The following CADM2 variants were observed in gnomAD, a reference collection of about 807,000 sequenced individuals.
CADM2 encodes the protein cell adhesion molecule 2, also known as immunoglobulin superfamily member 4D.
Under a neutral mutation model 49.8 loss-of-function variants are expected in CADM2, and 12 were observed. The observed-to-expected ratio is 0.24, with a 90% CI of 0.15 to 0.39. CADM2 has a LOEUF of 0.39. CADM2 is among the 10% of genes least tolerant of loss of function. CADM2 has a pLI of 1.00. For missense variants in CADM2, 378 were observed against 492.3 expected (o/e 0.77, Z 2.20); for synonymous variants, 214 against 175.4 (o/e 1.22, Z -1.74).
At chr3:85,481,555 A>G (rs1300229496) in intron 1 of CADM2, among the ~76,000 whole-genome samples, 1 of 151,650 alleles carries the variant, frequency 6.6e-6, no homozygotes. Context: ...ATTTTGATTT[A>G]TTTCCAACAT....
intron 1 of CADM2, among the ~76,000 whole-genome samples, chr3:85,152,774 A>G (rs968950526): frequency 6.6e-6 from 1 of 151,874 alleles, no homozygotes; most frequent in Non-Finnish European, 1.5e-5. Context: ...TGGCTAACAC[A>G]GTGAAACCCC....
intron 1 of CADM2, among the ~76,000 whole-genome samples, chr3:85,040,952 AG>A (rs2035408896): frequency 6.6e-6 from 1 of 152,202 alleles, no homozygotes; most frequent in South Asian, 2.1e-4. Flanking sequence ...ATTTAAATAC[AG>A]TATCATATTT....
At chr3:85,560,694 A>G (rs968725535) in intron 1 of CADM2, among the ~76,000 whole-genome samples, 2 of 152,202 alleles carry the variant, frequency 1.3e-5, no homozygotes, top group African/African-American at 4.8e-5. Context: ...TTTTGTTCAA[A>G]GACTAATGTT....
chr3:85,781,572 A>G (rs2070654069), intron 2 of CADM2, among the ~76,000 whole-genome samples: 1 of 152,106 alleles, frequency 6.6e-6, no homozygotes, highest in Non-Finnish European at 1.5e-5. Flanking sequence ...AAAATAGTCT[A>G]TTTTTGAGGG....
intron 1 of CADM2, among the ~76,000 whole-genome samples, chr3:85,411,496 CTTT>C (rs1191996042): frequency 1.3e-5 from 2 of 152,132 alleles, no homozygotes; most frequent in East Asian, 3.9e-4. Context: ...TGGGATGATT[CTTT>C]ACGGAGAAAG....
At chr3:85,131,175 G>A (rs770880500) in intron 1 of CADM2, among the ~76,000 whole-genome samples, 6 of 151,600 alleles carry the variant, frequency 4.0e-5, no homozygotes, top group Admixed American at 2.0e-4. Flanking sequence ...GTGAAACTCC[G>A]TCTCAGAAAA....
chr3:85,174,011 C>T (rs2040707506), intron 1 of CADM2, among the ~76,000 whole-genome samples: 1 of 151,944 alleles, frequency 6.6e-6, no homozygotes, highest in African/African-American at 2.4e-5. Context: ...ACACACATAC[C>T]ACACACATAC....
chr3:85,045,104 G>T (rs2035594792), intron 1 of CADM2, among the ~76,000 whole-genome samples: 1 of 152,052 alleles, frequency 6.6e-6, no homozygotes, highest in Non-Finnish European at 1.5e-5. Context: ...ATGTGATGTT[G>T]TCATTCTGTG....
intron 1 of CADM2, among the ~76,000 whole-genome samples, chr3:85,483,017 G>C (rs2039275082): frequency 6.6e-6 from 1 of 151,312 alleles, no homozygotes; most frequent in African/African-American, 2.4e-5. Flanking sequence ...ATTCAATCTT[G>C]ACTAAAAAAC....
intron 1 of CADM2, among the ~76,000 whole-genome samples, chr3:85,105,762 C>A (rs2038197938): frequency 1.3e-5 from 2 of 151,996 alleles, no homozygotes; most frequent in Non-Finnish European, 2.9e-5. Context: ...TACTATGCAG[C>A]CATAAAAAAT....
chr3:85,452,168 G>A (rs928802467), intron 1 of CADM2, among the ~76,000 whole-genome samples: 1 of 152,060 alleles, frequency 6.6e-6, no homozygotes, highest in African/African-American at 2.4e-5. Context: ...GAATAGTACT[G>A]TGTTGTTGGG....
chr3:85,450,583 T>A (rs2037708146), intron 1 of CADM2, among the ~76,000 whole-genome samples: 2 of 152,044 alleles, frequency 1.3e-5, no homozygotes, highest in Admixed American at 6.6e-5. Context: ...TATATTTTCA[T>A]AAATATATTT....
At chr3:85,577,313 T>C (rs1433676965) in intron 1 of CADM2, among the ~76,000 whole-genome samples, 1 of 152,102 alleles carries the variant, frequency 6.6e-6, no homozygotes, top group Non-Finnish European at 1.5e-5. Flanking sequence ...GGAGATTGGG[T>C]TAGAAGGGCT....
intron 1 of CADM2, among the ~76,000 whole-genome samples, chr3:85,408,801 T>C (rs1294159551): frequency 6.6e-6 from 1 of 152,194 alleles, no homozygotes; most frequent in Non-Finnish European, 1.5e-5. Flanking sequence ...CATTTTCACT[T>C]AGATGCCACC....
intron 1 of CADM2, among the ~76,000 whole-genome samples, chr3:85,622,246 G>T (rs576588349): frequency 6.6e-6 from 1 of 152,146 alleles, no homozygotes; most frequent in Non-Finnish European, 1.5e-5. Context: ...ATGTCAGCAA[G>T]ACAATATTAT....
intron 7 of CADM2, among the ~76,000 whole-genome samples, chr3:85,953,398 C>T (rs1577761369): frequency 6.6e-6 from 1 of 150,960 alleles, no homozygotes; most frequent in East Asian, 2.0e-4. Flanking sequence ...TCCTGACATT[C>T]CCAATATTTA....
intron 1 of CADM2, among the ~76,000 whole-genome samples, chr3:85,507,854 C>G (rs1303571177): frequency 6.6e-6 from 1 of 152,134 alleles, no homozygotes; most frequent in African/African-American, 2.4e-5. Flanking sequence ...GTGGCAGCAT[C>G]TAGGTATGCA....
At chr3:85,292,742 G>A (rs1271619852) in intron 1 of CADM2, among the ~76,000 whole-genome samples, 28 of 152,226 alleles carry the variant, frequency 1.8e-4, no homozygotes, top group Non-Finnish European at 3.7e-4. Context: ...TGAAATCAAC[G>A]AGAACAAAGA....
At chr3:85,990,013 C>CAAAAAAAAAAAAAAAAAAAAA (rs58178176) in intron 8 of CADM2, among the ~76,000 whole-genome samples, 3 of 9,638 alleles carry the variant, frequency 3.1e-4, no homozygotes, top group Admixed American at 2.1e-3. Flanking sequence ...ACTCCATGTC[C>CAAAAAAAAAAAAAAAAAAAAA]AAAAAAAAAA....
Sources: allele counts gnomAD v4.1 joint callset (sites outside exome capture counted in the v4.1 genomes callset), GRCh38; gene constraint gnomAD v4.1.1; transcripts MANE v1.5; gene names NCBI Gene and HGNC (gene_info 2026-07-23, HGNC 2026-07-21).